The following PLA2G10 variants were observed in gnomAD, a reference collection of about 807,000 sequenced individuals.
PLA2G10 encodes group 10 secretory phospholipase A2.
Under a neutral mutation model 7.9 loss-of-function variants are expected in PLA2G10, and 9 were observed. The ratio of observed to expected loss-of-function variants is 1.14; its 90% CI spans 0.68 to 1.98. The LOEUF is 1.98. PLA2G10 is among the 30% of genes most tolerant of loss of function. PLA2G10 has a pLI of 0.00. For synonymous variants in PLA2G10, 19 were observed against 27.5 expected, an observed-to-expected ratio of 0.69 and a Z score of 0.97; for missense variants, 53 against 65.4, an observed-to-expected ratio of 0.81 and a Z score of 0.66.
chr16:14,685,416 T>C (rs758842916), intron 3 of PLA2G10, among the ~76,000 whole-genome samples: 2 of 151,364 alleles, frequency 1.3e-5, no homozygotes, highest in Non-Finnish European at 2.9e-5. Context: ...TCAAAAACAT[T>C]ATACTAAGTG....
At chr16:14,682,178 C>A (rs1039330873) in intron 3 of PLA2G10, among the ~76,000 whole-genome samples, 1 of 152,062 alleles carries the variant, frequency 6.6e-6, no homozygotes, top group African/African-American at 2.4e-5. Flanking sequence ...ATGATAGATA[C>A]CTGGGGCATG....
intron 3 of PLA2G10, among the ~76,000 whole-genome samples, chr16:14,675,747 T>C (rs1420045041): frequency 6.6e-6 from 1 of 151,916 alleles, no homozygotes; most frequent in Non-Finnish European, 1.5e-5. Context: ...GAGACCAGCC[T>C]AGCCAACATG....
At chr16:14,678,512 T>A (rs1960788606) in intron 3 of PLA2G10, 1 of 245,330 alleles carries the variant, frequency 4.1e-6, no homozygotes, top group Non-Finnish European at 8.2e-6. Context: ...CTCACGCCTG[T>A]AATCCCAACA....
intron 3 of PLA2G10, among the ~76,000 whole-genome samples, chr16:14,674,405 TA>T (rs548761451): frequency 1.5e-3 from 229 of 152,130 alleles, no homozygotes; most frequent in African/African-American, 5.4e-3. Context: ...TACATGGAAC[TA>T]AAAAAGAGCC....
intron 3 of PLA2G10, among the ~76,000 whole-genome samples, chr16:14,680,622 A>G (rs1960864061): frequency 6.6e-6 from 1 of 152,074 alleles, no homozygotes. Flanking sequence ...TTGGCCTCCC[A>G]AAGTGTTGGG....
At chr16:14,679,641 C>G (rs1960829636) in intron 3 of PLA2G10, among the ~76,000 whole-genome samples, 1 of 136,974 alleles carries the variant, frequency 7.3e-6, no homozygotes. Context: ...GCCTGGGCAA[C>G]AAGAGCAAGA....
chr16:14,677,469 C>T (rs1395624640), intron 3 of PLA2G10, among the ~76,000 whole-genome samples: 5 of 152,114 alleles, frequency 3.3e-5, no homozygotes, highest in East Asian at 1.9e-4. Context: ...TGGGTTCAAG[C>T]GATTCTCCTG....
chr16:14,677,976 C>T (rs1050648222), intron 3 of PLA2G10, among the ~76,000 whole-genome samples: 5 of 152,002 alleles, frequency 3.3e-5, no homozygotes, highest in Admixed American at 6.6e-5. Context: ...GAATAGATGG[C>T]GAGACAGATG....
Position 14,672,615 on chromosome 16 carries a change from A to T in PLA2G10, c.490T>A (p.Cys164Ser). 5 of 1,614,078 alleles carry T rather than the reference A, an allele frequency of 3.1e-6. No individual in the cohort carries two copies. The highest frequency in any genetic ancestry group is 4.2e-6 in the Non-Finnish European group (5 of 1,179,964). Residue 164 changes from cysteine (C) to serine (S), a missense_variant, in exon 4 of 4, where the codon TGT becomes AGT. Cys to Ser is a moderately radical substitution (Grantham distance 112). This residue lies in a region of PLA2G10 where 48 missense variants were observed against 47.0 expected (regional missense o/e 1.02). Coordinates refer to ENST00000438167, the MANE Select transcript of PLA2G10 (RefSeq NM_003561.3). ...QFLCEPDSPK[C>S]D ...ATTTCAAGTCAAGGTAGTCAGTCAC[A>T]CTTGGGCGAGTCCGGCTCACATAGG...
intron 3 of PLA2G10, among the ~76,000 whole-genome samples, chr16:14,686,451 T>TTA (rs1961067306): frequency 3.3e-5 from 5 of 152,172 alleles, no homozygotes; most frequent in African/African-American, 1.2e-4. Context: ...TTTAGCTTTC[T>TTA]TATTTATTTG....
intron 3 of PLA2G10, 22 bp from the exon 4 acceptor site, chr16:14,672,771 A>T (rs1960624597): frequency 1.2e-6 from 2 of 1,613,044 alleles, no homozygotes; most frequent in African/African-American, 1.3e-5. Context: ...GGGGAAACTG[A>T]GATTAGAGCA....
At chr16:14,675,809 C>T (rs1045770855) in intron 3 of PLA2G10, among the ~76,000 whole-genome samples, 1 of 151,676 alleles carries the variant, frequency 6.6e-6, no homozygotes. Flanking sequence ...TGTGGTGGCT[C>T]ATGCCTGTAA....
At chr16:14,681,239 A>G (rs1960883699) in intron 3 of PLA2G10, among the ~76,000 whole-genome samples, 1 of 151,892 alleles carries the variant, frequency 6.6e-6, no homozygotes, top group Non-Finnish European at 1.5e-5. Context: ...AGGGAAAAGA[A>G]AAGCAAAGCC....
In PLA2G10 at chr16:14,673,205, T is replaced by C. The variant is rs1280024396; in HGVS notation, c.356-456A>G. Among the ~76,000 whole-genome samples, 3 of 151,354 alleles carry C rather than the reference T, an allele frequency of 2.0e-5. No homozygotes were observed. In the East Asian group the frequency reaches 5.9e-4, roughly 30 times the overall value. On this transcript the variant is annotated intron_variant, in intron 3 of 3. Transcript: ENST00000438167. ...GAGCTAATTTTTTTTGTATTTTTAGTGGAGACAGGGTTTCGTCGTGTTGGC... is the reference window on the plus strand; with the variant it reads ...GAGCTAATTTTTTTTGTATTTTTAGCGGAGACAGGGTTTCGTCGTGTTGGC...
intron 3 of PLA2G10, among the ~76,000 whole-genome samples, chr16:14,687,243 A>T (rs1379948451): frequency 2.0e-5 from 3 of 152,056 alleles, no homozygotes; most frequent in African/African-American, 7.2e-5. Flanking sequence ...TTTGTTTCAA[A>T]ATCTTGTAGG....
chr16:14,677,647 C>T (rs773668394), intron 3 of PLA2G10, among the ~76,000 whole-genome samples: 2 of 152,114 alleles, frequency 1.3e-5, no homozygotes, highest in South Asian at 2.1e-4. Context: ...TGAGCCATTG[C>T]GCCCGGAGTT....
intron 3 of PLA2G10, among the ~76,000 whole-genome samples, chr16:14,675,198 C>T (rs1960693952): frequency 6.8e-6 from 1 of 147,012 alleles, no homozygotes; most frequent in South Asian, 2.1e-4. Flanking sequence ...CACTCAAAAA[C>T]ATAAATTGGG....
intron 3 of PLA2G10, among the ~76,000 whole-genome samples, chr16:14,679,239 T>G (rs1417920198): frequency 2.0e-5 from 3 of 152,074 alleles, no homozygotes. Flanking sequence ...ACTAAAACAC[T>G]GTTATCACCC....
chr16:14,673,056 G>A (rs1270267373), intron 3 of PLA2G10, among the ~76,000 whole-genome samples: 2 of 126,960 alleles, frequency 1.6e-5, no homozygotes, highest in Admixed American at 1.9e-4. Flanking sequence ...GGCTTGCTCT[G>A]TCGCCCAGGC....
Sources: allele counts gnomAD v4.1 joint callset (sites outside exome capture counted in the v4.1 genomes callset), GRCh38; gene constraint gnomAD v4.1.1; regional missense constraint gnomAD v4.1.1; transcripts MANE v1.5; gene names NCBI Gene and HGNC (gene_info 2026-07-23, HGNC 2026-07-21).